PRKAR2A: variants seen among roughly 807,000 people sequenced by gnomAD.
PRKAR2A encodes protein kinase cAMP-dependent type II regulatory subunit alpha, also known as cAMP-dependent protein kinase type II-alpha regulatory subunit.
In PRKAR2A, 29 loss-of-function variants were observed where a neutral mutation model predicts 51.9. That is an observed-to-expected ratio of 0.56 (90% CI 0.42 to 0.76). The LOEUF (loss-of-function observed/expected upper bound fraction) is 0.76. Ranked by LOEUF, PRKAR2A falls within the 30% of genes least tolerant of loss-of-function variation. The pLI is 0.00. For synonymous variants in PRKAR2A, 178 were observed against 186.2 expected (o/e 0.96, Z 0.36); for missense variants, 445 against 512.1 (o/e 0.87, Z 1.26).
rs1263199801 is a variant in PRKAR2A, at chr3:48,824,642, G to C, written c.263-16958C>G. Among the ~76,000 whole-genome samples the C allele has an allele frequency of 2.0e-5, 3 of 151,968 alleles. No homozygotes were observed. In the East Asian group the frequency reaches 5.8e-4, roughly 29 times the overall value. On this transcript the variant is annotated intron_variant, in intron 1 of 10. Transcript: ENST00000265563. ...TGTACCTCCTGAACCTAAAATAAAA[G>C]TTGAATAAGAATGGCTATGAGGACA... is the stretch of plus-strand genomic sequence containing the variant.
chr3:48,779,636 T>TG (rs1390797028), intron 5 of PRKAR2A, among the ~76,000 whole-genome samples: 2 of 151,060 alleles, frequency 1.3e-5, no homozygotes, highest in East Asian at 3.9e-4. Context: ...AAAAATTAGC[T>TG]GGGAGTGGTG....
intron 1 of PRKAR2A, among the ~76,000 whole-genome samples, chr3:48,821,183 T>A (rs1468183746): frequency 2.6e-5 from 4 of 151,640 alleles, no homozygotes; most frequent in Non-Finnish European, 1.5e-5. Flanking sequence ...GAGCAAGGAG[T>A]GGTGGGGATT....
Position 48,794,023 on chromosome 3 carries a change from C to G in PRKAR2A, c.325G>C (p.Glu109Gln). The G allele has an allele frequency of 6.2e-7, 1 of 1,606,044 alleles. No homozygotes were observed. The highest frequency in any genetic ancestry group is 8.5e-7 in the Non-Finnish European group (1 of 1,172,946). The change falls in exon 3 of 11, where the codon GAG (glutamate) becomes CAG (glutamine). Residue 109 changes from glutamate (E) to glutamine (Q), a missense_variant. Transcript: ENST00000265563. ...SVCAETYNPDEEEEDTDPRVI... is the reference protein window; with the variant it reads ...SVCAETYNPDQEEEDTDPRVI... ...CTTGGATCTGTATCTTCCTCTTCCT[C>G]ATCAGGGTTATAGGTCTCAGCACAG...
rs945509807 is a variant in PRKAR2A at position 48,747,445 on chromosome 3, A to G, written c.*4140T>C. 1.3e-5 allele frequency: 2 copies of G among 152,142 alleles called. No homozygotes were observed. Among genetic ancestry groups the G allele is most frequent in the African/African-American group, 2.4e-5 (1 of 41,432 alleles). 9.4% of individuals were successfully genotyped at this position (152,142 alleles called of 1,614,324 possible). On this transcript the variant is annotated 3_prime_UTR_variant, in exon 11 of 11. Transcript: ENST00000265563. The stretch of plus-strand genomic sequence containing the variant: ...AGCACCTCTCACTGAATACGATATC[A>G]CTGTGTGCAGAGAAAACGGGCAATC...
chr3:48,816,972 A>G (rs566536692), intron 1 of PRKAR2A, among the ~76,000 whole-genome samples: 6 of 152,268 alleles, frequency 3.9e-5, no homozygotes, highest in Admixed American at 2.6e-4. Flanking sequence ...ACCTGAGCCC[A>G]GGAGTTCAAG....
At chr3:48,791,903 C>CAAAA (rs1177374619) in intron 3 of PRKAR2A, among the ~76,000 whole-genome samples, 14 of 41,890 alleles carry the variant, frequency 3.3e-4, no homozygotes, top group African/African-American at 7.0e-4. Context: ...AACTCTGTCT[C>CAAAA]AAAAAAAAAA....
At chr3:48,745,839 T>C (rs2081556847), downstream of PRKAR2A, among the ~76,000 whole-genome samples, 1 of 152,080 alleles carries the variant, frequency 6.6e-6, no homozygotes, top group South Asian at 2.1e-4. Flanking sequence ...GTGCCCAGCC[T>C]GGATAAGATT....
chr3:48,822,570 A>G (rs536651987), intron 1 of PRKAR2A, among the ~76,000 whole-genome samples: 1 of 152,322 alleles, frequency 6.6e-6, no homozygotes, highest in East Asian at 1.9e-4. Context: ...TTTTCCTAAG[A>G]ACACAATTTC....
chr3:48,793,140 G>A lies in PRKAR2A; in HGVS notation c.351+857C>T, dbSNP rs1050333200. On this transcript the variant is annotated intron_variant, in intron 3 of 10. Transcript: ENST00000265563. The stretch of plus-strand genomic sequence containing the variant: ...ATATATTTCAAATTTTTTAATTTAC[G>A]AAATGCTCTATAAAATACACCTCAC... Among the ~76,000 whole-genome samples the A allele has an allele frequency of 1.3e-4, 19 of 151,252 alleles. No homozygotes were observed. The East Asian group carries it at 2.5e-3, about 20-fold the overall frequency.
At chr3:48,760,059 TA>T (rs1407741066) in intron 8 of PRKAR2A, among the ~76,000 whole-genome samples, 1 of 152,120 alleles carries the variant, frequency 6.6e-6, no homozygotes, top group Non-Finnish European at 1.5e-5. Flanking sequence ...TACAAGTCAT[TA>T]AAAAACAAAA....
intron 8 of PRKAR2A, among the ~76,000 whole-genome samples, chr3:48,764,529 C>G (rs1215929289): frequency 6.6e-6 from 1 of 152,220 alleles, no homozygotes; most frequent in East Asian, 1.9e-4. Context: ...GTCAGTAAGA[C>G]GGACGTCAAT....
At chr3:48,818,767 C>T (rs2082912402) in intron 1 of PRKAR2A, among the ~76,000 whole-genome samples, 1 of 152,054 alleles carries the variant, frequency 6.6e-6, no homozygotes, top group South Asian at 2.1e-4. Flanking sequence ...AGAACTTAAA[C>T]TTCTCTGAGC....
At chr3:48,793,876 T>G in intron 3 of PRKAR2A, 121 bp downstream of exon 3, 1 of 848,834 alleles carries the variant, frequency 1.2e-6, no homozygotes, top group Non-Finnish European at 1.9e-6. Context: ...ATTAAAAATG[T>G]CACTTCAGTG....
intron 5 of PRKAR2A, among the ~76,000 whole-genome samples, chr3:48,774,480 G>A (rs984134369): frequency 6.6e-6 from 1 of 151,476 alleles, no homozygotes; most frequent in African/African-American, 2.4e-5. Context: ...CCTGGGCAAC[G>A]TATGGAGACT....
chr3:48,806,918 G>A (rs535446528), intron 2 of PRKAR2A, among the ~76,000 whole-genome samples: 3 of 151,924 alleles, frequency 2.0e-5, no homozygotes, highest in Admixed American at 6.6e-5. Context: ...CTACAGGGGC[G>A]CGCTACTGTG....
chr3:48,823,850 A>C (rs1289850072), intron 1 of PRKAR2A, among the ~76,000 whole-genome samples: 2 of 152,046 alleles, frequency 1.3e-5, no homozygotes, highest in Non-Finnish European at 2.9e-5. Context: ...GAAGTCTACT[A>C]GGACCGTAGC....
chr3:48,752,116 A>G, intron 10 of PRKAR2A, 60 bp downstream of exon 10: 1 of 1,566,462 alleles, frequency 6.4e-7, no homozygotes, highest in Non-Finnish European at 8.7e-7. Context: ...AGGCTTGCTG[A>G]TGGGAAAAAA....
chr3:48,838,164 C>A (rs537944970), intron 1 of PRKAR2A, among the ~76,000 whole-genome samples: 6 of 149,712 alleles, frequency 4.0e-5, no homozygotes, highest in Non-Finnish European at 8.9e-5. Context: ...GGCGACAGAG[C>A]AAGACTCCGC....
chr3:48,748,339 G>T lies in PRKAR2A; in HGVS notation c.*3246C>A, dbSNP rs1323290609. The T allele has an allele frequency of 7.4e-6, 1 of 135,014 alleles. No individual in the cohort carries two copies. The highest frequency in any genetic ancestry group is 2.8e-5 in the African/African-American group (1 of 35,714). 8.4% of individuals were successfully genotyped at this position (135,014 alleles called of 1,614,324 possible). Reference sequence around the variant, plus strand: ...GGTAGAGACAGGGTCTCCCTCTGTTGCCCAGGATGGTTTGGAACTCCTGGG... The same window carrying T: ...GGTAGAGACAGGGTCTCCCTCTGTTTCCCAGGATGGTTTGGAACTCCTGGG... On this transcript the variant is annotated 3_prime_UTR_variant, in exon 11 of 11. Transcript: ENST00000265563.
Sources: gnomAD v4.1 joint callset for allele counts (sites outside exome capture counted in the v4.1 genomes callset) on GRCh38, gnomAD v4.1.1 for gene constraint, MANE v1.5 for transcripts, NCBI Gene and HGNC (gene_info 2026-07-23, HGNC 2026-07-21) for gene names.